The following CELA2B variants were observed in gnomAD, a reference collection of about 807,000 sequenced individuals.
CELA2B encodes chymotrypsin-like elastase family member 2B.
Under a neutral mutation model 36.5 loss-of-function variants are expected in CELA2B, and 27 were observed. The ratio of observed to expected loss-of-function variants is 0.74; its 90% CI spans 0.55 to 1.02. The LOEUF (loss-of-function observed/expected upper bound fraction) is 1.02, where lower values mean the gene tolerates loss of function less well. Among genes scored for constraint, CELA2B ranks in the 50% least tolerant of loss-of-function variants. CELA2B has a pLI of 0.00. For missense variants in CELA2B, 340 were observed against 347.8 expected (o/e 0.98, Z 0.18); for synonymous variants, 143 against 148.5 (o/e 0.96, Z 0.27).
Position 15,487,269 on chromosome 1 carries a change from C to T in CELA2B, c.640-16C>T. On this transcript the variant is annotated splice_polypyrimidine_tract_variant and intron_variant, in intron 6 of 7. Coordinates refer to ENST00000375910, the MANE Select transcript of CELA2B (RefSeq NM_015849.3). ...TTCCTCCCACTTCAACTCCCTATAA[C>T]TCTGGCCTTCCTCAGGGAGACTCCG... 6.2e-7 allele frequency: 1 copy of T among 1,613,298 alleles called. No homozygotes were observed. Among genetic ancestry groups the T allele is most frequent in the Non-Finnish European group, 8.5e-7 (1 of 1,179,270 alleles).
At chr1:15,490,865 C>CAAA (rs34648160) in intron 7 of CELA2B, 24 of 120,616 alleles carry the variant, frequency 2.0e-4, no homozygotes, top group East Asian at 8.2e-4. Flanking sequence ...AAGACTGTCT[C>CAAA]AAAAAAAAAA....
In CELA2B at chr1:15,482,385, C is replaced by T; in HGVS notation, c.348C>T (p.Val116=). The T allele has an allele frequency of 1.2e-6, 2 of 1,614,068 alleles. No homozygotes were observed. Among genetic ancestry groups the T allele is most frequent in the Non-Finnish European group, 1.7e-6 (2 of 1,179,986 alleles). ...VVHKDWNSDQ[V]SKGNDIALLK... ...ACAAGGACTGGAACTCCGACCAGGT[C>T]TCCAAAGGGTTCGTTTCTATCTGGG... The change falls in exon 4 of 8, where the codon GTC becomes GTT. Residue 116 remains valine, a synonymous_variant. Transcript: ENST00000375910.
At chr1:15,483,655 C>T (rs1306576064) in intron 5 of CELA2B, among the ~76,000 whole-genome samples, 1 of 152,166 alleles carries the variant, frequency 6.6e-6, no homozygotes, top group Admixed American at 6.6e-5. Context: ...TGGCTGGGCG[C>T]GGTGGCTCAC....
chr1:15,489,108 C>T (rs1708840788), intron 7 of CELA2B, among the ~76,000 whole-genome samples: 1 of 152,206 alleles, frequency 6.6e-6, no homozygotes, highest in Non-Finnish European at 1.5e-5. Flanking sequence ...GGGCCTTTCC[C>T]AGCCAAATCC....
chr1:15,489,551 C>T (rs773394991), intron 7 of CELA2B, among the ~76,000 whole-genome samples: 4 of 152,164 alleles, frequency 2.6e-5, no homozygotes, highest in Non-Finnish European at 4.4e-5. Context: ...AGTCACGTAC[C>T]ACTAGAGCCC....
rs1251576106 is a variant in CELA2B at position 15,482,383 on chromosome 1, G to A, written c.346G>A (p.Val116Ile). Residue 116 changes from valine (V) to isoleucine (I), a missense_variant, in exon 4 of 8, where the codon GTC (valine) becomes ATC (isoleucine). Transcript: ENST00000375910. ...VVHKDWNSDQ[V>I]SKGNDIALLK... ...GCACAAGGACTGGAACTCCGACCAGGTCTCCAAAGGGTTCGTTTCTATCTG... is the reference window on the plus strand; with the variant it reads ...GCACAAGGACTGGAACTCCGACCAGATCTCCAAAGGGTTCGTTTCTATCTG... 6.2e-7 allele frequency: 1 copy of A among 1,614,088 alleles called. No individual in the cohort carries two copies.
intron 3 of CELA2B, 79 bp downstream of exon 3, chr1:15,481,274 C>T: frequency 6.6e-7 from 1 of 1,516,986 alleles, no homozygotes; most frequent in Admixed American, 1.7e-5. Flanking sequence ...ATGGCCTGAA[C>T]CACACTACAT....
At chr1:15,480,110 A>G (rs779018944) in intron 2 of CELA2B, among the ~76,000 whole-genome samples, 1 of 152,152 alleles carries the variant, frequency 6.6e-6, no homozygotes, top group Non-Finnish European at 1.5e-5. Flanking sequence ...TGGGGAGAAG[A>G]GATGGGAGAC....
chr1:15,476,298 T>G, intron 1 of CELA2B, 133 bp downstream of exon 1: 1 of 1,435,534 alleles, frequency 7.0e-7, no homozygotes, highest in South Asian at 1.2e-5. Context: ...AAAACCGAAA[T>G]GGAGTTTCAA....
intron 7 of CELA2B, among the ~76,000 whole-genome samples, chr1:15,487,845 C>A (rs537006571): frequency 2.0e-5 from 3 of 152,286 alleles, no homozygotes; most frequent in Admixed American, 1.3e-4. Context: ...AAATTAGTCC[C>A]CCTCAAGGGT....
rs532745829 is a variant in CELA2B at position 15,484,383 on chromosome 1, A to G, written c.493+983A>G. Among the ~76,000 whole-genome samples, 21 of 152,272 alleles carry G rather than the reference A, an allele frequency of 1.4e-4. No homozygotes were observed. In the South Asian group the frequency reaches 3.3e-3, roughly 24 times the overall value. ...AAGATTCTAGGAAGGGATGAGTGAT[A>G]ATGACCTTATGACCGTAATGACATT... On this transcript the variant is annotated intron_variant, in intron 5 of 7. Transcript: ENST00000375910.
At chr1:15,486,169 T>C in intron 6 of CELA2B, 123 bp downstream of exon 6, 1 of 1,270,512 alleles carries the variant, frequency 7.9e-7, no homozygotes. Context: ...CACCCGGAAA[T>C]GGTACCAGAT....
Position 15,482,406 on chromosome 1 carries a change from C to T in CELA2B, c.356+13C>T. On this transcript the variant is annotated intron_variant, in intron 4 of 7. Transcript: ENST00000375910. The stretch of plus-strand genomic sequence containing the variant: ...AGGTCTCCAAAGGGTTCGTTTCTAT[C>T]TGGGTGCACTTGGGGGTGAGGTTGT... 6.2e-7 allele frequency: 1 copy of T among 1,613,892 alleles called. No individual in the cohort carries two copies. The highest frequency in any genetic ancestry group is 8.5e-7 in the Non-Finnish European group (1 of 1,179,840).
chr1:15,491,231 A>G (rs891161385), intron 7 of CELA2B, 64 bp from the exon 8 acceptor site: 32 of 1,608,048 alleles, frequency 2.0e-5, no homozygotes, highest in Non-Finnish European at 2.7e-5. Flanking sequence ...AGAGACAGGA[A>G]ACTGCCACGC....
chr1:15,477,008 T>C (rs1708681925), intron 2 of CELA2B, among the ~76,000 whole-genome samples: 1 of 152,176 alleles, frequency 6.6e-6, no homozygotes, highest in Non-Finnish European at 1.5e-5. Flanking sequence ...TACATTTCTG[T>C]GGCCTTGGCC....
intron 2 of CELA2B, among the ~76,000 whole-genome samples, chr1:15,480,673 A>G (rs1432810652): frequency 6.6e-6 from 1 of 152,068 alleles, no homozygotes; most frequent in Non-Finnish European, 1.5e-5. Flanking sequence ...TGGGGTAACC[A>G]CCCTCATGAT....
rs766792921 is a variant in CELA2B, at chr1:15,487,302, G to A, written c.657G>A (p.Pro219=). ...ICTCNGDSGG[P]LNCQASDGRW... is the part of the protein sequence containing the mutation. Reference sequence around the variant, plus strand: ...TTCCTCAGGGAGACTCCGGTGGGCCGCTGAACTGTCAGGCATCTGACGGCC... The same window carrying A: ...TTCCTCAGGGAGACTCCGGTGGGCCACTGAACTGTCAGGCATCTGACGGCC... Residue 219 remains proline, a synonymous_variant, in exon 7 of 8, where the codon CCG becomes CCA. Coordinates refer to ENST00000375910, the MANE Select transcript of CELA2B (RefSeq NM_015849.3). 4.5e-5 allele frequency: 73 copies of A among 1,614,036 alleles called. No homozygotes were observed. Among genetic ancestry groups the A allele is most frequent in the Middle Eastern group, 1.6e-4 (1 of 6,084 alleles).
intron 7 of CELA2B, among the ~76,000 whole-genome samples, chr1:15,489,621 G>A (rs759495414): frequency 2.0e-4 from 31 of 152,206 alleles, no homozygotes; most frequent in Non-Finnish European, 3.8e-4. Flanking sequence ...CCAAGGTCAG[G>A]AAGTACAAGC....
At chr1:15,481,015 G>A in intron 2 of CELA2B, 83 bp from the exon 3 acceptor site, 1 of 1,515,814 alleles carries the variant, frequency 6.6e-7, no homozygotes, top group South Asian at 1.1e-5. Context: ...CCTTACCCTT[G>A]TCCCAGCCCC....
Sources: gnomAD v4.1 joint callset for allele counts (sites outside exome capture counted in the v4.1 genomes callset) on GRCh38, gnomAD v4.1.1 for gene constraint, MANE v1.5 for transcripts, NCBI Gene and HGNC (gene_info 2026-07-23, HGNC 2026-07-21) for gene names.